Variants in THAP1 observed in about 807,000 individuals in gnomAD.
The protein encoded by THAP1 is THAP domain-containing protein 1.
THAP1 carries 6 observed loss-of-function variants against 18.2 expected under a neutral mutation model. That is an observed-to-expected ratio of 0.33 (90% CI 0.18 to 0.65). THAP1 has a LOEUF of 0.65. THAP1 is among the 30% of genes least tolerant of loss of function. The pLI is 0.74. For missense variants in THAP1, 176 were observed against 253.0 expected (o/e 0.70, Z 2.06); for synonymous variants, 85 against 90.5 (o/e 0.94, Z 0.34).
At chr8:42,838,706 T>TA (rs1479807736) in intron 2 of THAP1, among the ~76,000 whole-genome samples, 5 of 151,954 alleles carry the variant, frequency 3.3e-5, no homozygotes, top group African/African-American at 9.7e-5. Context: ...AATAAATAAA[T>TA]AATAAAAGAA....
chr8:42,843,261 T>C lies in THAP1; in HGVS notation c.-167A>G. On this transcript the variant is annotated 5_prime_UTR_variant, in exon 1 of 3. Transcript: ENST00000254250. Reference sequence around the variant, plus strand: ...GTGACTAGTGTGCCCGTTTTGTTGTTTGCATTAGCAGAAGGACCACAGCCA... The same window carrying C: ...GTGACTAGTGTGCCCGTTTTGTTGTCTGCATTAGCAGAAGGACCACAGCCA... The C allele has an allele frequency of 1.3e-6, 1 of 778,714 alleles. No individual in the cohort carries two copies. The highest frequency in any genetic ancestry group is 2.2e-6 in the Non-Finnish European group (1 of 457,006). 48.2% of individuals were successfully genotyped at this position (778,714 alleles called of 1,614,324 possible). A position where few individuals can be genotyped will look rare whatever the true frequency, so the allele number is the denominator to read the frequency against.
At chr8:42,839,691 C>G (rs934954474) in intron 1 of THAP1, among the ~76,000 whole-genome samples, 1 of 152,130 alleles carries the variant, frequency 6.6e-6, no homozygotes, top group African/African-American at 2.4e-5. Context: ...GGGACTCAGG[C>G]GTGCGCCACC....
chr8:42,839,510 T>A, intron 1 of THAP1, 129 bp from the exon 2 acceptor site: 1 of 965,840 alleles, frequency 1.0e-6, no homozygotes, highest in Non-Finnish European at 1.5e-6. Context: ...CCTATTGGAT[T>A]AAAGATTAGC....
intron 2 of THAP1, among the ~76,000 whole-genome samples, chr8:42,838,633 G>A (rs773354118): frequency 2.6e-5 from 4 of 152,108 alleles, no homozygotes; most frequent in Non-Finnish European, 5.9e-5. Flanking sequence ...GTTGCAGTGA[G>A]CCAAGATCAT....
intron 2 of THAP1, 73 bp from the exon 3 acceptor site, chr8:42,838,409 G>A: frequency 3.2e-6 from 5 of 1,579,974 alleles, no homozygotes; most frequent in Non-Finnish European, 4.3e-6. Flanking sequence ...GGACTGACCA[G>A]GCGCAGTGGC....
At chr8:42,838,479 G>A in intron 2 of THAP1, 143 bp from the exon 3 acceptor site, 1 of 1,084,954 alleles carries the variant, frequency 9.2e-7, no homozygotes, top group Non-Finnish European at 1.3e-6. Flanking sequence ...CTGAGGTCAG[G>A]AGTTTGAGAC....
At chr8:42,840,278 T>A (rs1034189121) in intron 1 of THAP1, among the ~76,000 whole-genome samples, 7 of 152,202 alleles carry the variant, frequency 4.6e-5, no homozygotes, top group African/African-American at 1.7e-4. Context: ...CACATTTGTA[T>A]CTGCGTACTG....
In THAP1 at chr8:42,839,362, T is replaced by A; in HGVS notation, c.91A>T (p.Ser31Cys). The change falls in exon 2 of 3, where the codon AGT becomes TGT. Residue 31 changes from serine to cysteine, a missense_variant. By Grantham distance (112) the Ser-to-Cys change is moderately radical (BLOSUM62 -1). Coordinates refer to ENST00000254250, the MANE Select transcript of THAP1 (RefSeq NM_018105.3). ...GCTGCCTCCCATTCTTTACAAAGACTGGGTCGAGTAAGAGGAAACCTAAGA... is the reference window on the plus strand; with the variant it reads ...GCTGCCTCCCATTCTTTACAAAGACAGGGTCGAGTAAGAGGAAACCTAAGA... The part of the protein sequence containing the change: ...SFHKFPLTRP[S>C]LCKEWEAAVR... 4 of 1,614,052 alleles carry A rather than the reference T, an allele frequency of 2.5e-6. No individual in the cohort carries two copies. Among genetic ancestry groups the A allele is most frequent in the Non-Finnish European group, 3.4e-6 (4 of 1,179,996 alleles).
rs551168043 is a variant in THAP1 at position 42,841,017 on chromosome 8, A to G, written c.72-1636T>C. 2.2e-4 allele frequency among the ~76,000 whole-genome samples: 33 copies of G among 151,338 alleles called. No homozygotes were observed. The East Asian group carries it at 4.1e-3, about 19-fold the overall frequency. On this transcript the variant is annotated intron_variant, in intron 1 of 2. Coordinates refer to ENST00000254250, the MANE Select transcript of THAP1 (RefSeq NM_018105.3). ...GAAAATCTCAACTGGAACGGCCTCT[A>G]TAAGTATAAACTAGGGTAGCATTTG...
At position 42,843,050 on chromosome 8, in the gene THAP1, G is replaced by T; in HGVS notation, c.45C>A (p.Asp15Glu). 1 of 1,613,914 alleles carries T rather than the reference G, an allele frequency of 6.2e-7. No homozygotes were observed. The highest frequency in any genetic ancestry group is 8.5e-7 in the Non-Finnish European group (1 of 1,179,870). ...TGTGGAAAGAAACGGGCTTGTCCTT[G>T]TCGTAGCGGTTCTTGCAGCCGTAGG... ...CSAYGCKNRY[D>E]KDKPVSFHKF... The change falls in exon 1 of 3, where the codon GAC becomes GAA. Residue 15 changes from aspartate to glutamate, a missense_variant. Asp to Glu is a conservative substitution (Grantham distance 45, BLOSUM62 2). Coordinates refer to ENST00000254250, the MANE Select transcript of THAP1 (RefSeq NM_018105.3).
Position 42,837,499 on chromosome 8 carries a change from C to T in THAP1, c.*463G>A, listed in dbSNP as rs1183442060. On this transcript the variant is annotated 3_prime_UTR_variant, in exon 3 of 3. Coordinates refer to ENST00000254250, the MANE Select transcript of THAP1 (RefSeq NM_018105.3). ...GTGACTTTACATATGAGAATATGTACATATGTATATATATATTCTAAGAAG... is the reference window on the plus strand; with the variant it reads ...GTGACTTTACATATGAGAATATGTATATATGTATATATATATTCTAAGAAG... The T allele has an allele frequency of 6.5e-6, 1 of 153,084 alleles. No individual in the cohort carries two copies. The highest frequency in any genetic ancestry group is 1.5e-5 in the Non-Finnish European group (1 of 68,472). The allele number at this position is 153,084 out of a possible 1,614,324, so 9.5% of individuals were successfully genotyped here.
intron 1 of THAP1, among the ~76,000 whole-genome samples, chr8:42,840,420 C>T (rs1023523029): frequency 6.6e-6 from 1 of 152,086 alleles, no homozygotes; most frequent in African/African-American, 2.4e-5. Flanking sequence ...CCCAGGTAAA[C>T]GGGGATAGTG....
intron 1 of THAP1, among the ~76,000 whole-genome samples, chr8:42,841,092 T>C (rs1158904554): frequency 6.6e-6 from 1 of 151,144 alleles, no homozygotes; most frequent in African/African-American, 2.4e-5. Flanking sequence ...GTATAAACTA[T>C]GGTAGCATTT....
chr8:42,838,277 A>T lies in THAP1; in HGVS notation c.327T>A (p.Val109=). The T allele has an allele frequency of 1.2e-6, 2 of 1,614,094 alleles. No homozygotes were observed. The highest frequency in any genetic ancestry group is 1.7e-6 in the Non-Finnish European group (2 of 1,179,956). The change falls in exon 3 of 3, where the codon GTT becomes GTA. Residue 109 remains valine, a synonymous_variant. Transcript: ENST00000254250. ...ATCCAATAGCAGCATCAACCTGGGAAACAGGAGGCGGTAAAGGAGGTGGGG... is the reference window on the plus strand; with the variant it reads ...ATCCAATAGCAGCATCAACCTGGGATACAGGAGGCGGTAAAGGAGGTGGGG... ...QLPPPPLPPP[V]SQVDAAIGLL...
chr8:42,842,005 G>A (rs966746998), intron 1 of THAP1, among the ~76,000 whole-genome samples: 1 of 152,170 alleles, frequency 6.6e-6, no homozygotes, highest in African/African-American at 2.4e-5. Context: ...TAACTGAAAA[G>A]ATATTTAACA....
intron 1 of THAP1, among the ~76,000 whole-genome samples, chr8:42,841,281 G>A: frequency 7.1e-6 from 1 of 141,186 alleles, no homozygotes; most frequent in Non-Finnish European, 1.5e-5. Context: ...ACATCTAGCA[G>A]AAACAGTTGT....
At position 42,843,200 on chromosome 8, in the gene THAP1, G is replaced by C; in HGVS notation, c.-106C>G. On this transcript the variant is annotated 5_prime_UTR_variant, in exon 1 of 3. Coordinates refer to ENST00000254250, the MANE Select transcript of THAP1 (RefSeq NM_018105.3). The stretch of plus-strand genomic sequence containing the variant: ...ATTCCCTCGCTTCTTTTGTAGCTTT[G>C]GCCAACAGTTACAGTGATGGTGGCC... 7.0e-7 allele frequency: 1 copy of C among 1,421,486 alleles called. No individual in the cohort carries two copies. The highest frequency in any genetic ancestry group is 9.9e-7 in the Non-Finnish European group (1 of 1,011,480). 88.1% of individuals were successfully genotyped at this position (1,421,486 alleles called of 1,614,324 possible). A position where few individuals can be genotyped will look rare whatever the true frequency, so the allele number is the denominator to read the frequency against.
At chr8:42,841,684 C>A (rs760925223) in intron 1 of THAP1, among the ~76,000 whole-genome samples, 1 of 152,198 alleles carries the variant, frequency 6.6e-6, no homozygotes. Flanking sequence ...TTCTGCCAAG[C>A]CATCAGAAAT....
chr8:42,842,975 G>T (rs1363733014), intron 1 of THAP1, 49 bp downstream of exon 1: 2 of 1,427,732 alleles, frequency 1.4e-6, no homozygotes, highest in Admixed American at 2.4e-5. Flanking sequence ...CCGGCCGCGC[G>T]CCCCCACCCC....
Sources: gnomAD v4.1 joint callset for allele counts (sites outside exome capture counted in the v4.1 genomes callset) on GRCh38, gnomAD v4.1.1 for gene constraint, MANE v1.5 for transcripts, NCBI Gene and HGNC (gene_info 2026-07-23, HGNC 2026-07-21) for gene names.